MCF2L2: variants seen among roughly 807,000 people sequenced by gnomAD.
MCF2L2 encodes probable guanine nucleotide exchange factor MCF2L2.
In MCF2L2, 102 loss-of-function variants were observed where a neutral mutation model predicts 150.2. The observed-to-expected ratio is 0.68, with a 90% CI of 0.58 to 0.80. MCF2L2 has a LOEUF of 0.80. Ranked by LOEUF, MCF2L2 falls within the 30% of genes least tolerant of loss-of-function variation. The probability of loss-of-function intolerance (pLI) is 0.00; values close to 1 mark genes in which losing one functional copy is unlikely to be tolerated. For missense variants in MCF2L2, 1,256 were observed against 1,372.8 expected, an observed-to-expected ratio of 0.91 and a Z score of 1.34; for synonymous variants, 465 against 491.3, an observed-to-expected ratio of 0.95 and a Z score of 0.71.
At chr3:183,408,518 C>T (rs1715161766) in intron 1 of MCF2L2, among the ~76,000 whole-genome samples, 1 of 152,208 alleles carries the variant, frequency 6.6e-6, no homozygotes, top group South Asian at 2.1e-4. Flanking sequence ...GTTATCCCCA[C>T]TCCTTCATAT....
intron 5 of MCF2L2, among the ~76,000 whole-genome samples, chr3:183,329,422 G>A (rs192381554): frequency 6.6e-6 from 1 of 152,222 alleles, no homozygotes; most frequent in Admixed American, 6.5e-5. Flanking sequence ...CCTGACCTTA[G>A]GTGATCCACC....
intron 14 of MCF2L2, among the ~76,000 whole-genome samples, chr3:183,282,104 A>G (rs527678778): frequency 3.8e-4 from 57 of 151,868 alleles, no homozygotes; most frequent in Non-Finnish European, 7.2e-4. Context: ...TAAATTTCCC[A>G]GCTACTATTG....
rs797006344 is a variant in MCF2L2 at position 183,216,793 on chromosome 3, C to T, written c.2371-699G>A. 1.4e-4 allele frequency among the ~76,000 whole-genome samples: 21 copies of T among 149,384 alleles called. 1 individual carries two copies. Among genetic ancestry groups the T allele is most frequent in the African/African-American group, 4.7e-4 (19 of 40,636 alleles). ...CTAATTTTTGTATTTTTAGTAGAGA[C>T]GGAGTTTCGCCATGTTGACCAGGCT... On this transcript the variant is annotated intron_variant, in intron 21 of 29. Transcript: ENST00000328913.
chr3:183,421,838 T>C (rs1295065284), intron 1 of MCF2L2, among the ~76,000 whole-genome samples: 1 of 152,260 alleles, frequency 6.6e-6, no homozygotes, highest in Non-Finnish European at 1.5e-5. Context: ...GTGACATAGC[T>C]AGACTGTTTT....
intron 5 of MCF2L2, among the ~76,000 whole-genome samples, chr3:183,337,457 G>A (rs1051163337): frequency 6.6e-6 from 1 of 150,660 alleles, no homozygotes; most frequent in African/African-American, 2.5e-5. Context: ...CTTGGGAGAG[G>A]CAGGAGAATG....
At chr3:183,295,194 A>T in intron 13 of MCF2L2, 106 bp downstream of exon 13, 2 of 1,170,096 alleles carry the variant, frequency 1.7e-6, no homozygotes, top group Non-Finnish European at 2.4e-6. Flanking sequence ...TTTAAATAGT[A>T]TCTGTTAAAA....
At chr3:183,263,985 A>G (rs1388488032) in intron 15 of MCF2L2, among the ~76,000 whole-genome samples, 1 of 152,160 alleles carries the variant, frequency 6.6e-6, no homozygotes, top group East Asian at 1.9e-4. Context: ...TGAGCCCTTG[A>G]GAAACCAGCG....
intron 3 of MCF2L2, among the ~76,000 whole-genome samples, chr3:183,361,035 G>GACA (rs1333082149): frequency 6.2e-5 from 9 of 144,476 alleles, no homozygotes; most frequent in African/African-American, 1.8e-4. Context: ...GAAAAGAAAA[G>GACA]GAAGAAAGGA....
chr3:183,396,541 T>C (rs1370536660), intron 1 of MCF2L2, among the ~76,000 whole-genome samples: 1 of 152,200 alleles, frequency 6.6e-6, no homozygotes, highest in Admixed American at 6.5e-5. Flanking sequence ...TAGATGACTG[T>C]TCTCAACAGT....
At chr3:183,397,042 C>G (rs1302294063) in intron 1 of MCF2L2, among the ~76,000 whole-genome samples, 1 of 152,134 alleles carries the variant, frequency 6.6e-6, no homozygotes, top group African/African-American at 2.4e-5. Context: ...TGTAAGCCAT[C>G]AAGTTTTATG....
chr3:183,336,408 T>C (rs185289283), intron 5 of MCF2L2, among the ~76,000 whole-genome samples: 1 of 152,306 alleles, frequency 6.6e-6, no homozygotes, highest in East Asian at 1.9e-4. Context: ...CATCCAAGAA[T>C]ATATATTAGA....
intron 3 of MCF2L2, chr3:183,375,962 C>A (rs1713166640): frequency 6.6e-6 from 1 of 152,210 alleles, no homozygotes; most frequent in South Asian, 2.1e-4. Context: ...GGCCTTCTCA[C>A]CCTTTGTCTC....
At chr3:183,351,234 A>ATATATATATATT (rs1553786140) in intron 3 of MCF2L2, among the ~76,000 whole-genome samples, 5 of 60,440 alleles carry the variant, frequency 8.3e-5, no homozygotes, top group Non-Finnish European at 1.2e-4. Flanking sequence ...ATATATATAT[A>ATATATATATATT]TATTTATTTA....
At chr3:183,348,555 T>TA (rs1730990305) in intron 3 of MCF2L2, among the ~76,000 whole-genome samples, 1 of 151,956 alleles carries the variant, frequency 6.6e-6, no homozygotes, top group Admixed American at 6.6e-5. Context: ...TCCCAAAACT[T>TA]AAAGTATAAT....
chr3:183,403,790 G>A (rs187541272), intron 1 of MCF2L2, among the ~76,000 whole-genome samples: 2 of 152,328 alleles, frequency 1.3e-5, no homozygotes, highest in Admixed American at 6.5e-5. Flanking sequence ...TGTTCATAAG[G>A]CATGAGAGTA....
intron 1 of MCF2L2, among the ~76,000 whole-genome samples, chr3:183,427,207 T>G (rs1169597068): frequency 6.6e-6 from 1 of 152,182 alleles, no homozygotes; most frequent in Non-Finnish European, 1.5e-5. Context: ...GACTGGGAAC[T>G]GTCTCAATGT....
intron 1 of MCF2L2, among the ~76,000 whole-genome samples, chr3:183,404,375 C>T (rs1317785962): frequency 3.9e-5 from 6 of 152,162 alleles, no homozygotes; most frequent in Non-Finnish European, 8.8e-5. Flanking sequence ...TGTTTTAAAA[C>T]AACCCTGTAA....
chr3:183,304,349 G>A (rs954555708), intron 10 of MCF2L2, among the ~76,000 whole-genome samples: 7 of 152,146 alleles, frequency 4.6e-5, no homozygotes, highest in Non-Finnish European at 7.4e-5. Flanking sequence ...GTAGTGGCTA[G>A]TTAAAAGGAC....
At chr3:183,223,474 C>T (rs1254667012) in intron 19 of MCF2L2, 36 bp from the exon 20 acceptor site, 3 of 1,459,614 alleles carry the variant, frequency 2.1e-6, no homozygotes, top group East Asian at 2.3e-5. Context: ...TAAAGCAAAA[C>T]AAACAACACA....
Sources: gnomAD v4.1 joint callset for allele counts (sites outside exome capture counted in the v4.1 genomes callset) on GRCh38, gnomAD v4.1.1 for gene constraint, MANE v1.5 for transcripts, NCBI Gene and HGNC (gene_info 2026-07-23, HGNC 2026-07-21) for gene names.